Variants in FOXN3 observed in about 807,000 individuals in gnomAD.
FOXN3 encodes forkhead box N3.
FOXN3 carries 7 observed loss-of-function variants against 38.4 expected under a neutral mutation model. The observed-to-expected ratio is 0.18, with a 90% CI of 0.10 to 0.34. The LOEUF (loss-of-function observed/expected upper bound fraction) is 0.34. FOXN3 is among the 10% of genes least tolerant of loss of function. FOXN3 has a pLI of 1.00. For synonymous variants in FOXN3, 230 were observed against 242.2 expected, an observed-to-expected ratio of 0.95 and a Z score of 0.47; for missense variants, 456 against 613.4, an observed-to-expected ratio of 0.74 and a Z score of 2.71.
chr14:89,394,692 G>A (rs1023184305), intron 2 of FOXN3, among the ~76,000 whole-genome samples: 7 of 152,228 alleles, frequency 4.6e-5, no homozygotes, highest in Admixed American at 2.0e-4. Context: ...TGCGCTGAGC[G>A]CCCTCACAGC....
chr14:89,372,681 A>T (rs931505457), intron 2 of FOXN3, among the ~76,000 whole-genome samples: 1 of 151,858 alleles, frequency 6.6e-6, no homozygotes, highest in African/African-American at 2.4e-5. Context: ...AACAGGAACC[A>T]AAGTTTCAAA....
intron 2 of FOXN3, among the ~76,000 whole-genome samples, chr14:89,371,313 T>C (rs1489985272): frequency 6.6e-6 from 1 of 152,154 alleles, no homozygotes; most frequent in Non-Finnish European, 1.5e-5. Context: ...GGAAAGTAAC[T>C]ATCAAGTGCT....
In FOXN3 at chr14:89,162,855, G is replaced by A. The variant is rs147363460; in HGVS notation, c.966C>T (p.Asn322=). The A allele has an allele frequency of 2.3e-4, 372 of 1,611,590 alleles. No individual in the cohort carries two copies. Among genetic ancestry groups the A allele is most frequent in the African/African-American group, 6.1e-4 (46 of 74,896 alleles). The change falls in exon 6 of 6, where the codon AAC becomes AAT. Residue 322 remains asparagine (N), a synonymous_variant. Transcript: ENST00000557258. The surrounding 1 kb of genome is among the most constrained non-coding windows in gnomAD (Gnocchi z 7.2). The part of the protein sequence containing the change: ...DHNYSSAKSS[N]ARSTSPTSDS... Reference sequence around the variant, plus strand: ...CGCTGGTGGGCGAGGTGCTCCGGGCGTTGGAGGACTTGGCACTGCTGTAGT... The same window carrying A: ...CGCTGGTGGGCGAGGTGCTCCGGGCATTGGAGGACTTGGCACTGCTGTAGT...
chr14:89,330,524 C>G (rs1049743624), intron 3 of FOXN3, among the ~76,000 whole-genome samples: 4 of 152,158 alleles, frequency 2.6e-5, no homozygotes, highest in Non-Finnish European at 4.4e-5. Flanking sequence ...CTTGAATTGC[C>G]ATTTGCAGGG....
At chr14:89,546,181 T>G (rs1012692647) in intron 1 of FOXN3, among the ~76,000 whole-genome samples, 1 of 152,160 alleles carries the variant, frequency 6.6e-6, no homozygotes, top group Non-Finnish European at 1.5e-5. Flanking sequence ...GCCAAACAGC[T>G]TTACCCTTTG....
At chr14:89,211,199 C>G (rs1884081793) in intron 4 of FOXN3, among the ~76,000 whole-genome samples, 1 of 152,218 alleles carries the variant, frequency 6.6e-6, no homozygotes, top group Admixed American at 6.5e-5. Context: ...GGGACCTGAG[C>G]CCAGATTCAA....
intron 5 of FOXN3, among the ~76,000 whole-genome samples, chr14:89,180,468 TC>T (rs1235353444): frequency 6.6e-6 from 1 of 152,152 alleles, no homozygotes; most frequent in South Asian, 2.1e-4. Context: ...TTAACTTGCC[TC>T]CATCTCCTCA....
In FOXN3 at chr14:89,414,897, T is replaced by C. The variant is rs186398624; in HGVS notation, c.-15+1974A>G. ...GAGAAAACTTCATGAGGCATTGCAG[T>C]ACAGACCAGGCAGGATGCTCCAGAC... On this transcript the variant is annotated intron_variant, in intron 1 of 5. Coordinates refer to ENST00000557258, the MANE Select transcript of FOXN3 (RefSeq NM_005197.4). Among the ~76,000 whole-genome samples, 13 of 152,244 alleles carry C rather than the reference T, an allele frequency of 8.5e-5. No individual in the cohort carries two copies. In the East Asian group the frequency reaches 2.5e-3, roughly 29 times the overall value.
At chr14:89,177,538 ACTGGGGCTGGGGCTGGGGCTGGGG>A (rs542008664) in intron 5 of FOXN3, among the ~76,000 whole-genome samples, 1 of 140,218 alleles carries the variant, frequency 7.1e-6, no homozygotes, top group South Asian at 2.3e-4. Context: ...TGTTTCCCAA[ACTGGGGCTGGGGCTGGGGCTGGGG>A]CTGGGGCTGG....
intron 1 of FOXN3, among the ~76,000 whole-genome samples, chr14:89,583,949 C>A (rs374604499): frequency 6.6e-6 from 1 of 151,806 alleles, no homozygotes; most frequent in Non-Finnish European, 1.5e-5. Context: ...CTCCGCCTCC[C>A]GGGTTCAAGC....
At chr14:89,467,811 T>TTG (rs1555355572) in intron 1 of FOXN3, among the ~76,000 whole-genome samples, 3 of 126,378 alleles carry the variant, frequency 2.4e-5, no homozygotes, top group Non-Finnish European at 3.4e-5. Context: ...TTTGTTTTTT[T>TTG]TTTTTTTTTT....
intron 1 of FOXN3, among the ~76,000 whole-genome samples, chr14:89,612,858 G>A (rs958302494): frequency 2.0e-5 from 3 of 151,090 alleles, no homozygotes; most frequent in East Asian, 2.0e-4. Flanking sequence ...GGTGGCTCAC[G>A]CTTGTGCTCC....
In FOXN3 at chr14:89,257,686, G is replaced by A. The variant is rs192639539; in HGVS notation, c.745+23264C>T. Reference sequence around the variant, plus strand: ...GATCATTTGAGCACAGGAGGTCAAGGCTACAGTGAGCTATGGGCACACCAC... The same window carrying A: ...GATCATTTGAGCACAGGAGGTCAAGACTACAGTGAGCTATGGGCACACCAC... On this transcript the variant is annotated intron_variant, in intron 4 of 5. Coordinates refer to ENST00000557258, the MANE Select transcript of FOXN3 (RefSeq NM_005197.4). 1.8e-3 allele frequency among the ~76,000 whole-genome samples: 271 copies of A among 152,254 alleles called. 3 individuals carry two copies. Among genetic ancestry groups the A allele is most frequent in the Non-Finnish European group, 1.3e-3 (87 of 68,020 alleles).
chr14:89,513,257 T>C (rs1202955065), intron 1 of FOXN3, among the ~76,000 whole-genome samples: 1 of 151,848 alleles, frequency 6.6e-6, no homozygotes, highest in Non-Finnish European at 1.5e-5. Flanking sequence ...GTTTCTTTTC[T>C]TCCCTCTTTC....
intron 3 of FOXN3, among the ~76,000 whole-genome samples, chr14:89,281,642 G>C (rs1886463634): frequency 6.6e-6 from 1 of 152,138 alleles, no homozygotes; most frequent in African/African-American, 2.4e-5. Flanking sequence ...GAAAATAGGA[G>C]AGATCAATAT....
intron 3 of FOXN3, among the ~76,000 whole-genome samples, chr14:89,343,964 G>A (rs184363142): frequency 1.8e-4 from 28 of 152,220 alleles, no homozygotes; most frequent in African/African-American, 6.0e-4. Context: ...GTTTCACCAC[G>A]TTGGCCAGGC....
At chr14:89,316,743 G>A (rs1887730758) in intron 3 of FOXN3, among the ~76,000 whole-genome samples, 1 of 150,906 alleles carries the variant, frequency 6.6e-6, no homozygotes. Context: ...TTGGCTCACT[G>A]CAACCTCCAC....
In FOXN3 at chr14:89,353,587, C is replaced by T. The variant is rs1566964139; in HGVS notation, c.544-2779G>A. The T allele has an allele frequency of 2.0e-5, 3 of 152,366 alleles. 1 individual carries two copies. The highest frequency in any genetic ancestry group is 4.4e-5 in the Non-Finnish European group (3 of 68,062). 9.4% of individuals were successfully genotyped at this position (152,366 alleles called of 1,614,324 possible). A position where few individuals can be genotyped will look rare whatever the true frequency, so the allele number is the denominator to read the frequency against. On this transcript the variant is annotated intron_variant, in intron 2 of 5. Coordinates refer to ENST00000557258, the MANE Select transcript of FOXN3 (RefSeq NM_005197.4). Reference sequence around the variant, plus strand: ...TGAACCCCACACCCCACACTCACTACTGGGACTTCTCCCTTGCTAGGGAAG... The same window carrying T: ...TGAACCCCACACCCCACACTCACTATTGGGACTTCTCCCTTGCTAGGGAAG...
chr14:89,529,473 C>T (rs1894509377), intron 1 of FOXN3, among the ~76,000 whole-genome samples: 1 of 152,156 alleles, frequency 6.6e-6, no homozygotes, highest in African/African-American at 2.4e-5. Context: ...GTTTCTCTCT[C>T]CCCACTCGTC....
Sources: allele counts gnomAD v4.1 joint callset (sites outside exome capture counted in the v4.1 genomes callset), GRCh38; gene constraint gnomAD v4.1.1; non-coding constraint Gnocchi (gnomAD v3.1); transcripts MANE v1.5; gene names NCBI Gene and HGNC (gene_info 2026-07-23, HGNC 2026-07-21).